Variants in SOX5 observed in about 807,000 individuals in gnomAD.
The protein encoded by SOX5 is SRY-box transcription factor 5, also known as transcription factor SOX-5.
A neutral mutation model predicts 92.0 loss-of-function variants in SOX5; 9 were observed. The observed-to-expected ratio is 0.10, with a 90% confidence interval of 0.06 to 0.17. The LOEUF is 0.17. Ranked by LOEUF, SOX5 falls within the 10% of genes least tolerant of loss-of-function variation. SOX5 has a pLI of 1.00. For missense variants in SOX5, 642 were observed against 944.5 expected (o/e 0.68, Z 4.20); for synonymous variants, 344 against 336.3 (o/e 1.02, Z -0.25).
intron 6 of SOX5, among the ~76,000 whole-genome samples, chr12:23,673,849 C>G (rs2085210122): frequency 6.6e-6 from 1 of 151,826 alleles, no homozygotes; most frequent in Admixed American, 6.6e-5. Context: ...GTGATGGTTG[C>G]AAACCATTGT....
intron 13 of SOX5, among the ~76,000 whole-genome samples, 154 bp downstream of exon 13, chr12:23,543,054 TTCA>T (rs1355161663): frequency 6.6e-6 from 1 of 152,206 alleles, no homozygotes; most frequent in Non-Finnish European, 1.5e-5. Flanking sequence ...CATAGAATGC[TTCA>T]TCACCAGAAG....
At chr12:23,899,371 GC>G (rs1190877191) in intron 1 of SOX5, among the ~76,000 whole-genome samples, 1 of 149,790 alleles carries the variant, frequency 6.7e-6, no homozygotes, top group Non-Finnish European at 1.5e-5. Context: ...ATTGCATCCA[GC>G]CTGGGCAACA....
intron 8 of SOX5, among the ~76,000 whole-genome samples, chr12:23,632,843 T>C (rs552008258): frequency 5.3e-4 from 80 of 152,296 alleles, no homozygotes; most frequent in African/African-American, 1.8e-3. Context: ...GAATGCATGC[T>C]ACTAATATTA....
intron 2 of SOX5, among the ~76,000 whole-genome samples, chr12:23,893,444 CA>C (rs527851709): frequency 8.2e-4 from 112 of 136,766 alleles, no homozygotes; most frequent in Admixed American, 9.5e-4. Flanking sequence ...GACTCCATCT[CA>C]AAAAAAAAAA....
At chr12:24,095,656 C>A (rs1945315358) in intron 4 of SOX5, among the ~76,000 whole-genome samples, 1 of 152,020 alleles carries the variant, frequency 6.6e-6, no homozygotes. Flanking sequence ...CCACCCAAAT[C>A]TCATCTTGAA....
chr12:23,614,148 C>T (rs1341383460), intron 8 of SOX5, among the ~76,000 whole-genome samples: 2 of 152,158 alleles, frequency 1.3e-5, no homozygotes, highest in Non-Finnish European at 1.5e-5. Flanking sequence ...GACATGGCTG[C>T]AGTCCTGCTA....
rs147957201 is a variant in SOX5 at position 24,068,747 on chromosome 12, TACAC to T, written c.-2+144592_-2+144595del. Among the ~76,000 whole-genome samples the T allele has an allele frequency of 3.8e-3, 275 of 71,516 alleles. 1 individual carries two copies. The highest frequency in any genetic ancestry group is 0.014 in the African/African-American group (266 of 18,874). 46.9% of individuals were successfully genotyped at this position (71,516 alleles called of 152,430 possible). ...ATATATATATATATATATATATATA[TACAC>T]ACACACACATTAGTTCCTAGTTTAT... On this transcript the variant is annotated intron_variant, in intron 4 of 4. Transcript: ENST00000446891.
rs771300847 is a variant in SOX5, at chr12:23,960,466, T to TTA, written c.-1-64444_-1-64443dup. 4.0e-3 allele frequency among the ~76,000 whole-genome samples: 573 copies of TTA among 143,680 alleles called. 2 individuals are homozygous for TTA. Among genetic ancestry groups the TTA allele is most frequent in the South Asian group, 0.01 (45 of 4,480 alleles). 94.3% of individuals were successfully genotyped at this position (143,680 alleles called of 152,430 possible). On this transcript the variant is annotated intron_variant, in intron 4 of 4. Coordinates refer to the SOX5 transcript ENST00000446891. ...ATGCTTACACATGTGAATCCATGTT[T>TTA]TATATATATATGTTTTATATATATT...
chr12:24,168,160 G>A (rs887066608), intron 4 of SOX5, among the ~76,000 whole-genome samples: 1 of 152,202 alleles, frequency 6.6e-6, no homozygotes, highest in Admixed American at 6.5e-5. Context: ...ACAAGAATAA[G>A]ACAGTCTAAA....
chr12:24,284,950 C>A (rs951108301), intron 2 of SOX5, among the ~76,000 whole-genome samples: 2 of 152,080 alleles, frequency 1.3e-5, no homozygotes, highest in Non-Finnish European at 2.9e-5. Context: ...CATGGTGAAA[C>A]CCCATCTCTT....
intron 1 of SOX5, among the ~76,000 whole-genome samples, chr12:24,442,780 G>T (rs1393358796): frequency 6.6e-6 from 1 of 152,120 alleles, no homozygotes; most frequent in Non-Finnish European, 1.5e-5. Flanking sequence ...ATGAGTTAAA[G>T]AAGTAACCAG....
At chr12:23,803,548 T>C (rs918112354) in intron 3 of SOX5, among the ~76,000 whole-genome samples, 5 of 152,206 alleles carry the variant, frequency 3.3e-5, no homozygotes, top group African/African-American at 1.2e-4. Context: ...TGCCCTACCT[T>C]TGATCCATAA....
chr12:24,443,307 T>C (rs2137218438), intron 1 of SOX5, among the ~76,000 whole-genome samples: 1 of 152,268 alleles, frequency 6.6e-6, no homozygotes, highest in Non-Finnish European at 1.5e-5. Context: ...TGTACAATAA[T>C]AGGACAGGCC....
intron 4 of SOX5, among the ~76,000 whole-genome samples, chr12:24,196,738 A>T (rs7132862): frequency 0.23 from 35,643 of 151,816 alleles, 5,154 homozygotes; most frequent in African/African-American, 0.41. Flanking sequence ...ACTCCATCTC[A>T]ACAAAAATAC....
intron 2 of SOX5, among the ~76,000 whole-genome samples, chr12:23,859,341 G>A (rs957042446): frequency 9.9e-5 from 15 of 152,240 alleles, no homozygotes; most frequent in East Asian, 5.8e-4. Context: ...GCCTACAGAC[G>A]ACCGCTCTGG....
intron 8 of SOX5, among the ~76,000 whole-genome samples, chr12:23,606,209 A>T (rs2075238379): frequency 6.6e-6 from 1 of 151,914 alleles, no homozygotes; most frequent in Non-Finnish European, 1.5e-5. Context: ...TTATCCTAGG[A>T]TATCACTTTA....
intron 3 of SOX5, among the ~76,000 whole-genome samples, chr12:24,257,529 C>T (rs573009779): frequency 5.9e-5 from 9 of 152,066 alleles, no homozygotes; most frequent in South Asian, 2.1e-4. Flanking sequence ...AGTGCAGTGG[C>T]GCAGTCTTGG....
intron 8 of SOX5, among the ~76,000 whole-genome samples, chr12:23,622,742 T>A (rs927459405): frequency 6.6e-6 from 1 of 152,158 alleles, no homozygotes; most frequent in Non-Finnish European, 1.5e-5. Context: ...AATACTATGC[T>A]ATACCATCAT....
intron 1 of SOX5, among the ~76,000 whole-genome samples, chr12:24,415,782 T>C (rs1435414105): frequency 6.6e-6 from 1 of 152,226 alleles, no homozygotes; most frequent in African/African-American, 2.4e-5. Context: ...TAACGTACTT[T>C]GTTAGATGAG....
Sources: allele counts gnomAD v4.1 joint callset (sites outside exome capture counted in the v4.1 genomes callset), GRCh38; gene constraint gnomAD v4.1.1; transcripts MANE v1.5; gene names NCBI Gene and HGNC (gene_info 2026-07-23, HGNC 2026-07-21).